C16orf74: variants seen among roughly 807,000 people sequenced by gnomAD.
C16orf74 encodes uncharacterized protein C16orf74.
Under a neutral mutation model 6.5 loss-of-function variants are expected in C16orf74, and 10 were observed. The observed-to-expected ratio is 1.54, with a 90% CI of 0.95 to 2.61. C16orf74 has a LOEUF of 2.61. Ranked by LOEUF, C16orf74 falls within the 30% of genes most tolerant of loss-of-function variation. C16orf74 has a pLI of 0.00. For synonymous variants in C16orf74, 60 were observed against 42.5 expected, an observed-to-expected ratio of 1.41 and a Z score of -1.60; for missense variants, 141 against 105.9, an observed-to-expected ratio of 1.33 and a Z score of -1.45.
intron 2 of C16orf74, among the ~76,000 whole-genome samples, chr16:85,716,238 G>A (rs1216718609): frequency 1.3e-5 from 2 of 151,806 alleles, no homozygotes; most frequent in African/African-American, 4.8e-5. Flanking sequence ...AGTCTCGGAG[G>A]AGAGGGGGTT....
rs978371751 is a variant in C16orf74 at position 85,727,861 on chromosome 16, G to A, written c.28+7329C>T. On this transcript the variant is annotated intron_variant, in intron 2 of 3. Transcript: ENST00000284245. ...TTAGTTAATAAGAATGGATCTGGCC[G>A]GGTGCGGTGGCTCATGCCTGAAATC... Among the ~76,000 whole-genome samples the A allele has an allele frequency of 3.3e-5, 5 of 151,618 alleles. No homozygotes were observed. The East Asian group carries it at 7.7e-4, about 23-fold the overall frequency.
chr16:85,710,545 C>G, intron 2 of C16orf74: 1 of 485,464 alleles, frequency 2.1e-6, no homozygotes, highest in Non-Finnish European at 3.6e-6. Flanking sequence ...TTGGGAAATG[C>G]TGATCATAGG....
At chr16:85,717,206 G>C (rs987449921) in intron 2 of C16orf74, among the ~76,000 whole-genome samples, 1 of 152,326 alleles carries the variant, frequency 6.6e-6, no homozygotes, top group African/African-American at 2.4e-5. Flanking sequence ...GCGGGTGCTG[G>C]CATGGCGAGG....
At chr16:85,748,947 T>TTA (rs1740112354) in intron 1 of C16orf74, among the ~76,000 whole-genome samples, 1 of 91,486 alleles carries the variant, frequency 1.1e-5, no homozygotes, top group African/African-American at 3.2e-5. Context: ...TTTTTTTTTT[T>TTA]ATTTTATTTT....
At chr16:85,743,688 G>T (rs2054335976) in intron 1 of C16orf74, 1 of 152,224 alleles carries the variant, frequency 6.6e-6, no homozygotes, top group African/African-American at 2.4e-5. Context: ...GGAGGCTGAG[G>T]CGAGCAGATC....
intron 1 of C16orf74, among the ~76,000 whole-genome samples, chr16:85,738,866 G>C (rs1312883812): frequency 6.6e-6 from 1 of 152,260 alleles, no homozygotes; most frequent in Middle Eastern, 3.4e-3. Context: ...CCATGAAGTT[G>C]GGACCGTTCC....
At chr16:85,736,670 G>A (rs141413965) in intron 1 of C16orf74, among the ~76,000 whole-genome samples, 13 of 152,308 alleles carry the variant, frequency 8.5e-5, no homozygotes, top group East Asian at 1.9e-4. Flanking sequence ...CTTCCCCATT[G>A]CACTAGCTGG....
chr16:85,742,011 T>G (rs1176798006), intron 1 of C16orf74, among the ~76,000 whole-genome samples: 1 of 152,216 alleles, frequency 6.6e-6, no homozygotes, highest in African/African-American at 2.4e-5. Flanking sequence ...AACAGCTTGC[T>G]TGGTGCCGTC....
chr16:85,743,673 CT>C (rs2054335508), intron 1 of C16orf74: 1 of 152,208 alleles, frequency 6.6e-6, no homozygotes, highest in Non-Finnish European at 1.5e-5. Flanking sequence ...AATCCCAGCA[CT>C]TTGGGAGGCT....
chr16:85,730,242 C>T (rs1015574614), intron 2 of C16orf74, among the ~76,000 whole-genome samples: 10 of 152,178 alleles, frequency 6.6e-5, no homozygotes, highest in Non-Finnish European at 1.2e-4. Context: ...CCTCCCGTAA[C>T]CACGCCTCCA....
intron 1 of C16orf74, among the ~76,000 whole-genome samples, chr16:85,747,092 C>T (rs1199344235): frequency 6.6e-6 from 1 of 152,168 alleles, no homozygotes; most frequent in Non-Finnish European, 1.5e-5. Context: ...ACCTGCTTGG[C>T]CTCCCACGGA....
At chr16:85,747,688 C>T (rs896716250) in intron 1 of C16orf74, among the ~76,000 whole-genome samples, 4 of 152,126 alleles carry the variant, frequency 2.6e-5, no homozygotes, top group African/African-American at 4.8e-5. Flanking sequence ...ATGTGAGTGA[C>T]CAATGGCCTC....
intron 2 of C16orf74, among the ~76,000 whole-genome samples, chr16:85,728,771 G>A (rs2054159300): frequency 6.6e-6 from 1 of 152,320 alleles, no homozygotes; most frequent in African/African-American, 2.4e-5. Flanking sequence ...CCATTTTACA[G>A]ACACAGAAAC....
At chr16:85,729,509 C>T (rs567802410) in intron 2 of C16orf74, among the ~76,000 whole-genome samples, 1 of 152,326 alleles carries the variant, frequency 6.6e-6, no homozygotes, top group South Asian at 2.1e-4. Context: ...CACATTCCTG[C>T]CCCCCACAGG....
At chr16:85,743,055 G>C (rs570707235) in intron 1 of C16orf74, among the ~76,000 whole-genome samples, 1 of 152,194 alleles carries the variant, frequency 6.6e-6, no homozygotes, top group Non-Finnish European at 1.5e-5. Context: ...CAATTCCACA[G>C]TGTGGCCTGT....
At chr16:85,744,680 A>G (rs1206935079) in intron 1 of C16orf74, among the ~76,000 whole-genome samples, 2 of 151,814 alleles carry the variant, frequency 1.3e-5, no homozygotes, top group East Asian at 1.9e-4. Flanking sequence ...AATACAAAAA[A>G]TTAGTCAGGC....
At chr16:85,742,196 A>G (rs2054316638) in intron 1 of C16orf74, among the ~76,000 whole-genome samples, 1 of 152,134 alleles carries the variant, frequency 6.6e-6, no homozygotes, top group African/African-American at 2.4e-5. Context: ...AACATGGCAA[A>G]ACCCCGTCTC....
At chr16:85,749,194 C>T (rs747669920) in intron 1 of C16orf74, among the ~76,000 whole-genome samples, 1 of 152,166 alleles carries the variant, frequency 6.6e-6, no homozygotes, top group Non-Finnish European at 1.5e-5. Context: ...GCTCAGGGTT[C>T]CAGGCCTGGC....
intron 2 of C16orf74, among the ~76,000 whole-genome samples, chr16:85,728,335 C>G (rs2054154538): frequency 6.6e-6 from 1 of 152,066 alleles, no homozygotes; most frequent in African/African-American, 2.4e-5. Context: ...TAAAACTGTC[C>G]TAAAAAATAA....
Sources: gnomAD v4.1 joint callset for allele counts (sites outside exome capture counted in the v4.1 genomes callset) on GRCh38, gnomAD v4.1.1 for gene constraint, MANE v1.5 for transcripts, NCBI Gene and HGNC (gene_info 2026-07-23, HGNC 2026-07-21) for gene names.